The following TEKT5 variants were observed in gnomAD, a reference collection of about 807,000 sequenced individuals.
The protein encoded by TEKT5 is tektin 5.
TEKT5 carries 52 observed loss-of-function variants against 48.7 expected under a neutral mutation model. That is an observed-to-expected ratio of 1.07 (90% CI 0.86 to 1.35). The LOEUF is 1.35. Ranked by LOEUF, TEKT5 falls within the 40% of genes most tolerant of loss-of-function variation. The pLI, the probability that TEKT5 is intolerant of heterozygous loss-of-function variation, is 0.00. For missense variants in TEKT5, 831 were observed against 641.6 expected (o/e 1.30, Z -3.19); for synonymous variants, 318 against 267.6 (o/e 1.19, Z -1.84).
chr16:10,643,456 T>C (rs2142266458), intron 5 of TEKT5, among the ~76,000 whole-genome samples: 1 of 152,228 alleles, frequency 6.6e-6, no homozygotes, highest in African/African-American at 2.4e-5. Context: ...ACTAATACAC[T>C]GTGTTTTAAA....
chr16:10,673,630 C>A (rs1596414140), intron 5 of TEKT5, among the ~76,000 whole-genome samples: 2 of 149,086 alleles, frequency 1.3e-5, no homozygotes, highest in Non-Finnish European at 3.0e-5. Context: ...AGCCTCCTAA[C>A]CACTGCACCC....
intron 2 of TEKT5, 90 bp downstream of exon 2, chr16:10,689,852 C>T: frequency 7.7e-7 from 1 of 1,301,310 alleles, no homozygotes. Context: ...CGTGTGGCTT[C>T]TGCTCCTGAC....
At position 10,690,912 on chromosome 16, in the gene TEKT5, C is replaced by T. The variant is rs191661138; in HGVS notation, c.565-887G>A. Among the ~76,000 whole-genome samples, 140 of 152,286 alleles carry T rather than the reference C, an allele frequency of 9.2e-4. 2 individuals carry two copies. Among genetic ancestry groups the T allele is most frequent in the Non-Finnish European group, 1.6e-4 (11 of 68,030 alleles). ...CAGAAATGGGAGGGGGTCACTGACC[C>T]GTGCCACAAGGATTTCCGGAGCCCC... On this transcript the variant is annotated intron_variant, in intron 1 of 6. Coordinates refer to ENST00000283025, the MANE Select transcript of TEKT5 (RefSeq NM_144674.2).
intron 5 of TEKT5, among the ~76,000 whole-genome samples, chr16:10,646,432 G>A (rs1225608434): frequency 6.6e-6 from 1 of 152,174 alleles, no homozygotes; most frequent in African/African-American, 2.4e-5. Flanking sequence ...AGGTGGGATT[G>A]CAAGTATAAC....
intron 6 of TEKT5, among the ~76,000 whole-genome samples, chr16:10,629,873 G>A (rs112716035): frequency 0.014 from 2,118 of 152,312 alleles, 52 homozygotes; most frequent in African/African-American, 0.048. Context: ...GGGCTGCCCC[G>A]TACTACTTCC....
At chr16:10,679,619 G>A (rs191616721) in intron 4 of TEKT5, among the ~76,000 whole-genome samples, 52 of 152,248 alleles carry the variant, frequency 3.4e-4, no homozygotes, top group African/African-American at 1.2e-3. Flanking sequence ...CTAAGGCCAG[G>A]GGTGGTGGCT....
At chr16:10,678,586 T>C (rs1898690191) in intron 4 of TEKT5, among the ~76,000 whole-genome samples, 1 of 152,146 alleles carries the variant, frequency 6.6e-6, no homozygotes, top group Admixed American at 6.5e-5. Flanking sequence ...AACCAAGACC[T>C]GAGGCTCAGA....
chr16:10,663,686 G>T (rs1898411862), intron 5 of TEKT5, among the ~76,000 whole-genome samples: 1 of 152,140 alleles, frequency 6.6e-6, no homozygotes, highest in Admixed American at 6.5e-5. Context: ...CTCAGCTGTG[G>T]GGGCTGTCCT....
chr16:10,677,734 T>C (rs1401620426), intron 4 of TEKT5, among the ~76,000 whole-genome samples: 2 of 152,088 alleles, frequency 1.3e-5, no homozygotes, highest in Non-Finnish European at 2.9e-5. Context: ...TTGACCAGTG[T>C]GTCTGGGAGG....
intron 6 of TEKT5, among the ~76,000 whole-genome samples, chr16:10,629,108 T>G (rs917340173): frequency 6.6e-6 from 1 of 152,004 alleles, no homozygotes; most frequent in Non-Finnish European, 1.5e-5. Context: ...GTGGGGAGAA[T>G]GTAGAAGATT....
At chr16:10,687,504 G>T (rs572420006) in intron 3 of TEKT5, among the ~76,000 whole-genome samples, 1 of 152,348 alleles carries the variant, frequency 6.6e-6, no homozygotes, top group Admixed American at 6.5e-5. Context: ...TCAGCACTCA[G>T]CACTGTGGGA....
chr16:10,644,174 A>G (rs1898035647), intron 5 of TEKT5, among the ~76,000 whole-genome samples: 1 of 152,170 alleles, frequency 6.6e-6, no homozygotes, highest in African/African-American at 2.4e-5. Flanking sequence ...GACCCTGCTG[A>G]GCGTTTTTCA....
At chr16:10,644,061 C>T (rs1472084917) in intron 5 of TEKT5, among the ~76,000 whole-genome samples, 1 of 152,108 alleles carries the variant, frequency 6.6e-6, no homozygotes, top group Non-Finnish European at 1.5e-5. Context: ...AATAAAATAA[C>T]ATAAAATCAA....
intron 5 of TEKT5, among the ~76,000 whole-genome samples, chr16:10,648,905 G>A (rs567753984): frequency 2.9e-4 from 44 of 152,132 alleles, no homozygotes; most frequent in Admixed American, 5.2e-4. Flanking sequence ...AGTGCTGATG[G>A]TTTTGCATTT....
At chr16:10,653,493 T>C (rs2142277771) in intron 5 of TEKT5, among the ~76,000 whole-genome samples, 1 of 152,356 alleles carries the variant, frequency 6.6e-6, no homozygotes, top group Non-Finnish European at 1.5e-5. Context: ...TCCTGCTGTG[T>C]GACCTTGCAT....
Position 10,694,669 on chromosome 16 carries a change from T to G in TEKT5, c.205A>C (p.Thr69Pro). 1 of 1,613,340 alleles carries G rather than the reference T, an allele frequency of 6.2e-7. No homozygotes were observed. The highest frequency in any genetic ancestry group is 8.5e-7 in the Non-Finnish European group (1 of 1,179,612). The stretch of plus-strand genomic sequence containing the variant: ...ATGGTGGGCGGCCGCAGGGTACTGG[T>G]GCTCTCGTCCGGGCAGGTCTGGACG... ...ANVQTCPDES[T>P]STLRPPTILP... Residue 69 changes from threonine (T) to proline (P), a missense_variant, in exon 1 of 7, where the codon ACC (threonine) becomes CCC (proline). Physicochemically the swap from Thr to Pro is conservative, Grantham distance 38. Transcript: ENST00000283025.
rs889643603 is a variant in TEKT5 at position 10,634,409 on chromosome 16, A to T, written c.1241+1355T>A. On this transcript the variant is annotated intron_variant, in intron 6 of 6. Transcript: ENST00000283025. ...CTTGTCAAAAGAAGTACTGCTATGA[A>T]ACCCGGTGAGCACAGCCCTGGGCAC... 6.6e-5 allele frequency among the ~76,000 whole-genome samples: 10 copies of T among 152,258 alleles called. No individual in the cohort carries two copies. The East Asian group carries it at 1.9e-3, about 29-fold the overall frequency.
chr16:10,629,371 G>A lies in TEKT5; in HGVS notation c.1242-1572C>T, dbSNP rs183272381. Among the ~76,000 whole-genome samples the A allele has an allele frequency of 3.0e-4, 45 of 151,758 alleles. 1 individual carries two copies. In the East Asian group the frequency reaches 3.3e-3, roughly 11 times the overall value. On this transcript the variant is annotated intron_variant, in intron 6 of 6. Coordinates refer to ENST00000283025, the MANE Select transcript of TEKT5 (RefSeq NM_144674.2). The stretch of plus-strand genomic sequence containing the variant: ...GTTCAAGCAATTCTCTTGCCTCAGC[G>A]TCCCAAGTAGCTGGGATTACAGGCA...
At position 10,688,624 on chromosome 16, in the gene TEKT5, G is replaced by A. The variant is rs187408152; in HGVS notation, c.719+629C>T. Among the ~76,000 whole-genome samples the A allele has an allele frequency of 1.2e-3, 188 of 152,308 alleles. 2 individuals are homozygous for A. Among genetic ancestry groups the A allele is most frequent in the African/African-American group, 3.9e-4 (16 of 41,550 alleles). ...TGCCAGCTGCAGGTGGAGGTGAGGC[G>A]GCTGCTTTCGGGGGAGCTGGTGCCA... On this transcript the variant is annotated intron_variant, in intron 3 of 6. Transcript: ENST00000283025.
Sources: allele counts gnomAD v4.1 joint callset (sites outside exome capture counted in the v4.1 genomes callset), GRCh38; gene constraint gnomAD v4.1.1; transcripts MANE v1.5; gene names NCBI Gene and HGNC (gene_info 2026-07-23, HGNC 2026-07-21).